Variants in LRRC37A2 observed in about 807,000 individuals in gnomAD.
LRRC37A2 encodes leucine-rich repeat-containing protein 37A2.
A neutral mutation model predicts 68.8 loss-of-function variants in LRRC37A2; 9 were observed. That is an observed-to-expected ratio of 0.13 (90% CI 0.08 to 0.23). The LOEUF (loss-of-function observed/expected upper bound fraction) is 0.23. Among genes scored for constraint, LRRC37A2 ranks in the 10% least tolerant of loss-of-function variants. The probability of loss-of-function intolerance (pLI) is 1.00; values close to 1 mark genes in which losing one functional copy is unlikely to be tolerated. For synonymous variants in LRRC37A2, 63 were observed against 367.6 expected (o/e 0.17, Z 9.48); for missense variants, 168 against 950.4 (o/e 0.18, Z 10.82).
chr17:46,769,844 C>T, the LRRC37A2 span: 1 of 1,613,400 alleles, frequency 6.2e-7, no homozygotes, highest in Non-Finnish European at 8.5e-7. Context: ...CCTGTTCTCG[C>T]GCGCATCCGC....
At chr17:46,526,481 G>C (rs1468534352) in intron 6 of LRRC37A2, among the ~76,000 whole-genome samples, 4 of 104,068 alleles carry the variant, frequency 3.8e-5, no homozygotes, top group African/African-American at 1.5e-4. Flanking sequence ...CCAAGGTCGT[G>C]GGAGGGCCCC....
At chr17:46,502,886 G>A in the LRRC37A2 span, among the ~76,000 whole-genome samples, 3 of 150,762 alleles carry the variant, frequency 2.0e-5, 1 homozygote, top group African/African-American at 5.0e-5. Context: ...CATGTTACAG[G>A]CTGGTCTCCG....
At chr17:46,806,601 C>G in the LRRC37A2 span, among the ~76,000 whole-genome samples, 2 of 152,208 alleles carry the variant, frequency 1.3e-5, no homozygotes, top group African/African-American at 2.4e-5. Context: ...GTCACAGACT[C>G]CATCCTTACT....
the LRRC37A2 span, chr17:47,017,209 G>C: frequency 6.2e-7 from 1 of 1,611,784 alleles, no homozygotes; most frequent in Non-Finnish European, 8.5e-7. Flanking sequence ...TCCGCTCAGT[G>C]CCCGGCACTA....
chr17:46,779,119 C>T, the LRRC37A2 span, among the ~76,000 whole-genome samples: 122,368 of 144,796 alleles, frequency 0.85, 51,523 homozygotes, highest in East Asian at 0.99. Context: ...GCCCACTCGG[C>T]CTTCCAAAGG....
chr17:46,840,533 G>A, the LRRC37A2 span, among the ~76,000 whole-genome samples: 3 of 152,214 alleles, frequency 2.0e-5, no homozygotes, highest in Non-Finnish European at 4.4e-5. Context: ...CCAGTAATGG[G>A]ATCCCTGGGT....
At chr17:46,865,787 A>AT in the LRRC37A2 span, among the ~76,000 whole-genome samples, 1 of 151,922 alleles carries the variant, frequency 6.6e-6, no homozygotes. Context: ...TTAATTTTTA[A>AT]TTTTGTAGAG....
the LRRC37A2 span, chr17:46,923,313 G>A: frequency 7.8e-6 from 12 of 1,543,092 alleles, no homozygotes; most frequent in Non-Finnish European, 1.0e-5. Flanking sequence ...GTCAGCCAGG[G>A]TAGAGGCCGA....
the LRRC37A2 span, chr17:46,876,456 C>T: frequency 6.2e-7 from 1 of 1,613,594 alleles, no homozygotes. Flanking sequence ...GGCAGCCTCA[C>T]CAAAGGCCTG....
At chr17:46,716,221 A>G in the LRRC37A2 span, among the ~76,000 whole-genome samples, 5 of 151,366 alleles carry the variant, frequency 3.3e-5, no homozygotes, top group East Asian at 5.8e-4. Flanking sequence ...ATTCTTTAGT[A>G]TAAGTTCTAG....
the LRRC37A2 span, among the ~76,000 whole-genome samples, chr17:46,999,708 A>T: frequency 6.6e-6 from 1 of 151,860 alleles, no homozygotes; most frequent in Non-Finnish European, 1.5e-5. Flanking sequence ...ATTTAGTAAG[A>T]GTGCTGTCAG....
the LRRC37A2 span, among the ~76,000 whole-genome samples, chr17:46,771,541 A>C: frequency 6.7e-6 from 1 of 148,600 alleles, no homozygotes; most frequent in African/African-American, 2.4e-5. Context: ...CGGCGCTGAC[A>C]GCCCCGCTGT....
At chr17:46,392,414 T>TCG in the LRRC37A2 span, among the ~76,000 whole-genome samples, 1 of 43,128 alleles carries the variant, frequency 2.3e-5, no homozygotes, top group Admixed American at 2.1e-4. Context: ...TTTCTTTCTC[T>TCG]CTCTCTCTTT....
chr17:46,901,722 T>C, the LRRC37A2 span, among the ~76,000 whole-genome samples: 2 of 152,130 alleles, frequency 1.3e-5, no homozygotes, highest in African/African-American at 4.8e-5. Flanking sequence ...CTTAAGGCAA[T>C]TGAGTCACCT....
At chr17:46,903,068 G>C in the LRRC37A2 span, among the ~76,000 whole-genome samples, 1 of 152,138 alleles carries the variant, frequency 6.6e-6, no homozygotes, top group African/African-American at 2.4e-5. Context: ...GATCACTTGA[G>C]GCCAGGAGTT....
the LRRC37A2 span, among the ~76,000 whole-genome samples, chr17:46,752,460 A>G: frequency 6.6e-6 from 1 of 151,944 alleles, no homozygotes; most frequent in African/African-American, 2.4e-5. Context: ...TTTTATTATT[A>G]TTATTATTAT....
chr17:46,992,016 T>C, the LRRC37A2 span, among the ~76,000 whole-genome samples: 2 of 152,122 alleles, frequency 1.3e-5, no homozygotes, highest in African/African-American at 4.8e-5. Context: ...AGAAAGTGGA[T>C]TGATCAAATT....
the LRRC37A2 span, among the ~76,000 whole-genome samples, chr17:46,735,792 A>G: frequency 3.3e-5 from 5 of 152,130 alleles, no homozygotes; most frequent in Non-Finnish European, 5.9e-5. Flanking sequence ...TAAAAATACA[A>G]AAATTAGCTC....
At chr17:46,870,772 G>A in the LRRC37A2 span, among the ~76,000 whole-genome samples, 2 of 152,206 alleles carry the variant, frequency 1.3e-5, no homozygotes, top group Non-Finnish European at 2.9e-5. Context: ...CCTTGGCTCA[G>A]AGGAACATGG....
Sources: allele counts gnomAD v4.1 joint callset (sites outside exome capture counted in the v4.1 genomes callset), GRCh38; gene constraint gnomAD v4.1.1; transcripts MANE v1.5; gene names NCBI Gene and HGNC (gene_info 2026-07-23, HGNC 2026-07-21).